KMT2C: variants seen among roughly 807,000 people sequenced by gnomAD.
The protein encoded by KMT2C is histone-lysine N-methyltransferase 2C.
In KMT2C, 88 loss-of-function variants were observed where a neutral mutation model predicts 507.9. The ratio of observed to expected loss-of-function variants is 0.17; its 90% confidence interval spans 0.15 to 0.21. The LOEUF (loss-of-function observed/expected upper bound fraction) is 0.21. KMT2C is among the 10% of genes least tolerant of loss of function. The probability of loss-of-function intolerance (pLI) is 1.00; values close to 1 mark genes in which losing one functional copy is unlikely to be tolerated. For missense variants in KMT2C, 4,954 were observed against 5,957.8 expected (o/e 0.83, Z 5.55); for synonymous variants, 2,049 against 2,080.8 (o/e 0.98, Z 0.42).
chr7:152,274,516 T>A (rs1172449737), intron 6 of KMT2C, among the ~76,000 whole-genome samples: 1 of 152,190 alleles, frequency 6.6e-6, no homozygotes, highest in Non-Finnish European at 1.5e-5. Context: ...CGCACAGAAA[T>A]AAGCCCCAAA....
chr7:152,289,660 A>T (rs1588940566), intron 6 of KMT2C, among the ~76,000 whole-genome samples: 1 of 152,232 alleles, frequency 6.6e-6, no homozygotes, highest in South Asian at 2.1e-4. Context: ...GACAATAAGA[A>T]GATTTGAAAA....
At position 152,187,755 on chromosome 7, in the gene KMT2C, T is replaced by C. The variant is rs770247030; in HGVS notation, c.4753A>G (p.Thr1585Ala). 3 of 1,614,124 alleles carry C rather than the reference T, an allele frequency of 1.9e-6. No homozygotes were observed. Among genetic ancestry groups the C allele is most frequent in the Non-Finnish European group, 2.5e-6 (3 of 1,180,006 alleles). The stretch of plus-strand genomic sequence containing the variant: ...GAGGATTGTGCAATTGCAGAGAAAG[T>C]TCCCAGTCCGCTTCCAGGTGGCAAA... ...NSLPPGSGLG[T>A]FSAIAQSSYP... is the part of the protein sequence containing the mutation. The change falls in exon 32 of 59, where the codon ACT (threonine) becomes GCT (alanine). Residue 1585 changes from threonine (T) to alanine (A), a missense_variant. Coordinates refer to ENST00000262189, the MANE Select transcript of KMT2C (RefSeq NM_170606.3).
chr7:152,300,083 CCTGT>C (rs2096553459), intron 6 of KMT2C, among the ~76,000 whole-genome samples: 1 of 152,166 alleles, frequency 6.6e-6, no homozygotes, highest in South Asian at 2.1e-4. Context: ...CTTATCACAG[CCTGT>C]CTATAATGGA....
chr7:152,383,761 T>C lies in KMT2C; in HGVS notation c.162-25086A>G, dbSNP rs527451023. On this transcript the variant is annotated intron_variant, in intron 1 of 58. Coordinates refer to ENST00000262189, the MANE Select transcript of KMT2C (RefSeq NM_170606.3). ...TGCCGTTTCTGCCCCATCTGTATAA[T>C]GGGGATAACAGACCCTACCTTAGAG... Among the ~76,000 whole-genome samples, 4 of 152,340 alleles carry C rather than the reference T, an allele frequency of 2.6e-5. No individual in the cohort carries two copies. In the South Asian group the frequency reaches 8.3e-4, roughly 32 times the overall value.
At chr7:152,167,890 AC>A (rs1387805690) in intron 41 of KMT2C, among the ~76,000 whole-genome samples, 2 of 152,210 alleles carry the variant, frequency 1.3e-5, no homozygotes, top group East Asian at 1.9e-4. Flanking sequence ...GAGAAAAGGA[AC>A]CCAGAATGTT....
chr7:152,175,779 G>A (rs1036173924), intron 38 of KMT2C, among the ~76,000 whole-genome samples: 2 of 152,150 alleles, frequency 1.3e-5, no homozygotes, highest in African/African-American at 2.4e-5. Context: ...GGTGGCTCAC[G>A]CCTGTAATCC....
Position 152,196,024 on chromosome 7 carries a change from AAT to A in KMT2C, c.4274-15_4274-14del, listed in dbSNP as rs1433815719. 2 of 1,490,634 alleles carry A rather than the reference AAT, an allele frequency of 1.3e-6. No individual in the cohort carries two copies. The highest frequency in any genetic ancestry group is 9.2e-7 in the Non-Finnish European group (1 of 1,087,084). 92.3% of individuals were successfully genotyped at this position (1,490,634 alleles called of 1,614,324 possible). On this transcript the variant is annotated splice_polypyrimidine_tract_variant and intron_variant, in intron 27 of 58. Coordinates refer to ENST00000262189, the MANE Select transcript of KMT2C (RefSeq NM_170606.3). ...TCATCAGCAGGACCTAAATATAGTA[AAT>A]ATGTTTTTTAAAATTTCAGTATTTT...
intron 3 of KMT2C, among the ~76,000 whole-genome samples, chr7:152,321,321 T>C (rs2096771225): frequency 6.6e-6 from 1 of 151,756 alleles, no homozygotes; most frequent in South Asian, 2.1e-4. Flanking sequence ...AATCCCAATA[T>C]GTGAAATAAA....
chr7:152,180,795 A>C lies in KMT2C; in HGVS notation c.7065T>G (p.Leu2355=), dbSNP rs2093409542. 1 of 1,614,144 alleles carries C rather than the reference A, an allele frequency of 6.2e-7. No homozygotes were observed. Among genetic ancestry groups the C allele is most frequent in the African/African-American group, 1.3e-5 (1 of 75,036 alleles). ...CTCCTGAAGTTGGCACAGGTCCAGG[A>C]AGTTGGGAGACACCAGAGAACTGCT... ...QGQQFSGVSQ[L]PGPVPTSGVT... The change falls in exon 36 of 59, where the codon CTT becomes CTG. Residue 2355 remains leucine (L), a synonymous_variant. Transcript: ENST00000262189.
At chr7:152,147,663 C>T (rs62481488) in intron 52 of KMT2C, among the ~76,000 whole-genome samples, 35,553 of 145,250 alleles carry the variant, frequency 0.24, 4,893 homozygotes, top group Middle Eastern at 0.35. Flanking sequence ...ACTGAGATCG[C>T]GCCATTGCAG....
intron 14 of KMT2C, among the ~76,000 whole-genome samples, chr7:152,245,550 A>G (rs2095459021): frequency 6.6e-6 from 1 of 152,158 alleles, no homozygotes; most frequent in South Asian, 2.1e-4. Flanking sequence ...TCTGCATTAT[A>G]TTTATATTAG....
intron 1 of KMT2C, among the ~76,000 whole-genome samples, chr7:152,432,284 G>C (rs1018812014): frequency 3.9e-5 from 6 of 152,118 alleles, no homozygotes; most frequent in African/African-American, 1.2e-4. Context: ...AGAGTAGAAT[G>C]TTTCTTTGGC....
In KMT2C at chr7:152,156,327, G is replaced by A. The variant is rs1315947510; in HGVS notation, c.11690C>T (p.Pro3897Leu). The change falls in exon 45 of 59, where the codon CCT becomes CTT. Residue 3897 changes from proline to leucine, a missense_variant. Around this residue, in one of 29 missense-constraint regions of KMT2C, gnomAD observed 104 missense variants for 134.3 expected, o/e 0.77. Transcript: ENST00000262189. ...AGGAAGAGAGGCAGGGGGTGTTGGA[G>A]GATTACTTAAATTATTCTGCTGCAG... ...HLKQQNNLSN[P>L]PTPPASLPPT... is the part of the protein sequence containing the mutation. The A allele has an allele frequency of 1.2e-6, 2 of 1,613,934 alleles. No homozygotes were observed. The highest frequency in any genetic ancestry group is 1.7e-6 in the Non-Finnish European group (2 of 1,179,908).
intron 9 of KMT2C, among the ~76,000 whole-genome samples, chr7:152,257,127 T>C (rs1286681630): frequency 6.6e-6 from 1 of 152,122 alleles, no homozygotes; most frequent in African/African-American, 2.4e-5. Flanking sequence ...AGGCCATTGG[T>C]TGAGTAACCC....
intron 23 of KMT2C, among the ~76,000 whole-genome samples, chr7:152,211,196 GA>G (rs1236137676): frequency 6.6e-6 from 1 of 152,042 alleles, no homozygotes; most frequent in Non-Finnish European, 1.5e-5. Flanking sequence ...TCATATACTA[GA>G]AACTAAAAGA....
chr7:152,174,096 G>A, intron 39 of KMT2C, 35 bp downstream of exon 39: 1 of 1,080,676 alleles, frequency 9.3e-7, no homozygotes, highest in Admixed American at 2.1e-5. Flanking sequence ...TGAATGTCTA[G>A]ATGCCCAGTA....
chr7:152,196,454 G>T (rs950536613), intron 27 of KMT2C, among the ~76,000 whole-genome samples: 8 of 149,518 alleles, frequency 5.4e-5, no homozygotes, highest in African/African-American at 2.1e-4. Context: ...TCCATATGGA[G>T]CACAAGCCAG....
intron 6 of KMT2C, among the ~76,000 whole-genome samples, chr7:152,285,710 C>T (rs370103692): frequency 2.0e-5 from 3 of 151,230 alleles, no homozygotes; most frequent in South Asian, 2.1e-4. Context: ...TCAGTCTGGG[C>T]GCGATGGCTC....
At chr7:152,281,549 T>C (rs1437273712) in intron 6 of KMT2C, among the ~76,000 whole-genome samples, 7 of 152,216 alleles carry the variant, frequency 4.6e-5, no homozygotes, top group Non-Finnish European at 8.8e-5. Context: ...CTGGCCAACA[T>C]GGTGAGACCC....
Sources: gnomAD v4.1 joint callset for allele counts (sites outside exome capture counted in the v4.1 genomes callset) on GRCh38, gnomAD v4.1.1 for gene constraint, gnomAD v4.1.1 regional missense constraint, MANE v1.5 for transcripts, NCBI Gene and HGNC (gene_info 2026-07-23, HGNC 2026-07-21) for gene names.